The following GHR variants were observed in gnomAD, a reference collection of about 807,000 sequenced individuals.
GHR encodes the protein growth hormone receptor.
A neutral mutation model predicts 67.1 loss-of-function variants in GHR; 35 were observed. The ratio of observed to expected loss-of-function variants is 0.52; its 90% CI spans 0.40 to 0.69. GHR has a LOEUF of 0.69. Among genes scored for constraint, GHR ranks in the 30% least tolerant of loss-of-function variants. The pLI is 0.00. For synonymous variants in GHR, 272 were observed against 269.1 expected (o/e 1.01, Z -0.10); for missense variants, 792 against 764.6 (o/e 1.04, Z -0.42).
At chr5:42,638,106 A>T (rs1754292439) in intron 3 of GHR, among the ~76,000 whole-genome samples, 1 of 151,800 alleles carries the variant, frequency 6.6e-6, no homozygotes, top group African/African-American at 2.4e-5. Context: ...CGCCCGGCAA[A>T]TTTTTTTTAT....
At chr5:42,479,695 G>A (rs1036673094) in intron 1 of GHR, among the ~76,000 whole-genome samples, 2 of 152,184 alleles carry the variant, frequency 1.3e-5, no homozygotes, top group Admixed American at 6.5e-5. Context: ...AGTATTCTCT[G>A]ATGGTAGTTT....
At chr5:42,624,716 T>C (rs1467747143) in intron 2 of GHR, among the ~76,000 whole-genome samples, 1 of 152,256 alleles carries the variant, frequency 6.6e-6, no homozygotes, top group Non-Finnish European at 1.5e-5. Context: ...AAGTAATACA[T>C]AGTTGTCAGT....
In GHR at chr5:42,497,011, A is replaced by G. The variant is rs116354235; in HGVS notation, c.-11-68853A>G. Among the ~76,000 whole-genome samples the G allele has an allele frequency of 8.1e-3, 1,236 of 152,272 alleles. 16 individuals carry two copies. The highest frequency in any genetic ancestry group is 0.027 in the Middle Eastern group (8 of 294). On this transcript the variant is annotated intron_variant, in intron 1 of 9. Coordinates refer to ENST00000230882, the MANE Select transcript of GHR (RefSeq NM_000163.5). Reference sequence around the variant, plus strand: ...TGGGGCCAGGAGTGAGGGGCCTTCCATGTTTGCAGGACATCTGTTTGGGCC... The same window carrying G: ...TGGGGCCAGGAGTGAGGGGCCTTCCGTGTTTGCAGGACATCTGTTTGGGCC...
At chr5:42,470,194 A>G (rs1409796405) in intron 1 of GHR, among the ~76,000 whole-genome samples, 1 of 147,720 alleles carries the variant, frequency 6.8e-6, no homozygotes, top group Admixed American at 6.8e-5. Flanking sequence ...ATACTATTAT[A>G]TTATATCTAT....
chr5:42,488,422 A>G (rs986308917), intron 1 of GHR, among the ~76,000 whole-genome samples: 3 of 152,192 alleles, frequency 2.0e-5, no homozygotes, highest in African/African-American at 7.2e-5. Flanking sequence ...CTGCTATGCT[A>G]TGCGCACAAT....
chr5:42,629,064 C>A lies in GHR; in HGVS notation c.97C>A (p.Pro33Thr). 7.1e-7 allele frequency: 1 copy of A among 1,418,372 alleles called. No individual in the cohort carries two copies. The highest frequency in any genetic ancestry group is 9.7e-7 in the Non-Finnish European group (1 of 1,032,564). The allele number at this position is 1,418,372 out of a possible 1,614,324, so 87.9% of individuals were successfully genotyped here. The part of the protein sequence containing the change: ...EATAAILSRA[P>T]WSLQSVNPGL... ...CACAGCAGCTATCCTTAGCAGAGCA[C>A]CCTGGAGTCTGCAAAGTGTTAATCC... Residue 33 changes from proline (P) to threonine (T), a missense_variant, in exon 3 of 10, where the codon CCC (proline) becomes ACC (threonine). Transcript: ENST00000230882.
intron 1 of GHR, chr5:42,565,522 C>A (rs1282349459): frequency 1.0e-6 from 1 of 985,162 alleles, no homozygotes; most frequent in Non-Finnish European, 1.2e-6. Flanking sequence ...ATTTCCAGAT[C>A]AAATTAAAGC....
At chr5:42,556,449 A>G (rs1749314219) in intron 1 of GHR, among the ~76,000 whole-genome samples, 1 of 152,188 alleles carries the variant, frequency 6.6e-6, no homozygotes, top group Non-Finnish European at 1.5e-5. Context: ...AATTTGTTTA[A>G]GGAACATTTT....
intron 3 of GHR, among the ~76,000 whole-genome samples, chr5:42,650,083 C>G (rs374277258): frequency 6.6e-6 from 1 of 151,906 alleles, no homozygotes; most frequent in East Asian, 1.9e-4. Context: ...TTAAGTGACC[C>G]AGGGAAGGGT....
chr5:42,664,250 G>A (rs960360792), intron 3 of GHR, among the ~76,000 whole-genome samples: 1 of 152,052 alleles, frequency 6.6e-6, no homozygotes, highest in African/African-American at 2.4e-5. Context: ...CTACCTTAAA[G>A]TTCATATGGA....
chr5:42,619,879 T>G (rs779912259), intron 2 of GHR: 1 of 152,134 alleles, frequency 6.6e-6, no homozygotes, highest in Non-Finnish European at 1.5e-5. Flanking sequence ...CTGAACAAGA[T>G]CTATGAATTT....
At chr5:42,599,200 A>G (rs930528980) in intron 2 of GHR, among the ~76,000 whole-genome samples, 1 of 152,144 alleles carries the variant, frequency 6.6e-6, no homozygotes, top group African/African-American at 2.4e-5. Context: ...ACTATGTCAG[A>G]TTAGGTAGAA....
intron 3 of GHR, among the ~76,000 whole-genome samples, chr5:42,632,577 T>C (rs1753981496): frequency 6.6e-6 from 1 of 152,256 alleles, no homozygotes; most frequent in Admixed American, 6.5e-5. Flanking sequence ...TCCATGTGAA[T>C]GTGCATTTTT....
At chr5:42,676,656 G>A (rs955153951) in intron 3 of GHR, among the ~76,000 whole-genome samples, 4 of 152,046 alleles carry the variant, frequency 2.6e-5, no homozygotes, top group African/African-American at 9.7e-5. Context: ...GGGAAGTTCA[G>A]TTACTTTTAA....
intron 1 of GHR, among the ~76,000 whole-genome samples, chr5:42,501,026 G>A (rs2112230586): frequency 6.6e-6 from 1 of 152,234 alleles, no homozygotes. Flanking sequence ...CTGGAAGCTG[G>A]GCCACAGAGT....
chr5:42,505,247 G>C (rs976990747), intron 1 of GHR, among the ~76,000 whole-genome samples: 1 of 151,662 alleles, frequency 6.6e-6, no homozygotes, highest in Non-Finnish European at 1.5e-5. Context: ...AGAGAATATG[G>C]TTGAATTCTA....
intron 2 of GHR, among the ~76,000 whole-genome samples, chr5:42,601,588 G>A (rs1264537884): frequency 6.6e-6 from 1 of 152,036 alleles, no homozygotes; most frequent in East Asian, 1.9e-4. Flanking sequence ...TCATAGGTTT[G>A]TTATTTTCCA....
intron 2 of GHR, among the ~76,000 whole-genome samples, chr5:42,617,398 A>G (rs199599408): frequency 1.7e-3 from 244 of 144,606 alleles, no homozygotes; most frequent in Middle Eastern, 3.7e-3. Context: ...ACACACACAC[A>G]CACACACACA....
At chr5:42,527,551 A>T in intron 1 of GHR, among the ~76,000 whole-genome samples, 1 of 152,226 alleles carries the variant, frequency 6.6e-6, no homozygotes. Flanking sequence ...AGAGCACTGT[A>T]TTCATAAGGC....
Sources: allele counts gnomAD v4.1 joint callset (sites outside exome capture counted in the v4.1 genomes callset), GRCh38; gene constraint gnomAD v4.1.1; transcripts MANE v1.5; gene names NCBI Gene and HGNC (gene_info 2026-07-23, HGNC 2026-07-21).